The following MMACHC variants were observed in gnomAD, a reference collection of about 807,000 sequenced individuals.
MMACHC encodes metabolism of cobalamin associated C.
MMACHC carries 14 observed loss-of-function variants against 17.6 expected under a neutral mutation model. The observed-to-expected ratio is 0.80, with a 90% confidence interval of 0.53 to 1.25. The LOEUF (loss-of-function observed/expected upper bound fraction) is 1.25. Among genes scored for constraint, MMACHC ranks in the 50% most tolerant of loss-of-function variants. MMACHC has a pLI of 0.00. For missense variants in MMACHC, 392 were observed against 364.5 expected, an observed-to-expected ratio of 1.08 and a Z score of -0.62; for synonymous variants, 151 against 142.1, an observed-to-expected ratio of 1.06 and a Z score of -0.45.
At chr1:45,500,621 T>C (rs1480807220) in intron 1 of MMACHC, among the ~76,000 whole-genome samples, 1 of 152,006 alleles carries the variant, frequency 6.6e-6, no homozygotes, top group East Asian at 1.9e-4. Context: ...TCCCAGCACT[T>C]TGGGAGGCCG....
chr1:45,508,408 G>C (rs767673924), intron 3 of MMACHC, 44 bp downstream of exon 3: 9 of 1,606,690 alleles, frequency 5.6e-6, no homozygotes, highest in Non-Finnish European at 4.3e-6. Flanking sequence ...GACTGGTAAA[G>C]GCCTCTCCCT....
Position 45,508,263 on chromosome 1 carries a change from A to C in MMACHC, c.328A>C (p.Asn110His), listed in dbSNP as rs537151830. Residue 110 changes from asparagine (N) to histidine (H), a missense_variant, in exon 3 of 4, where the codon AAC becomes CAC. Asn to His is a moderately conservative substitution (Grantham distance 68). Coordinates refer to ENST00000401061, the MANE Select transcript of MMACHC (RefSeq NM_015506.3). ...CATTGCTGACTACGAGGTGCACCCC[A>C]ACCGACGCCCCAAGATCCTGGCCCA... ...EIIADYEVHP[N>H]RRPKILAQTA... 1 of 1,614,096 alleles carries C rather than the reference A, an allele frequency of 6.2e-7. No homozygotes were observed. Among genetic ancestry groups the C allele is most frequent in the South Asian group, 1.1e-5 (1 of 91,080 alleles).
chr1:45,512,022 A>G lies in MMACHC; in HGVS notation c.*2807A>G, dbSNP rs1348568851. On this transcript the variant is annotated 3_prime_UTR_variant, in exon 4 of 4. Transcript: ENST00000401061. ...CTGACAATGCCTAAGAATGTGCCTCAGGCTAGCCTGAAGAAAATGAGGCAA... is the reference window on the plus strand; with the variant it reads ...CTGACAATGCCTAAGAATGTGCCTCGGGCTAGCCTGAAGAAAATGAGGCAA... The G allele has an allele frequency of 6.6e-6, 1 of 150,460 alleles. No homozygotes were observed. Among genetic ancestry groups the G allele is most frequent in the Non-Finnish European group, 1.5e-5 (1 of 67,856 alleles). 9.3% of individuals were successfully genotyped at this position (150,460 alleles called of 1,614,324 possible). A position where few individuals can be genotyped will look rare whatever the true frequency, so the allele number is the denominator to read the frequency against.
chr1:45,509,243 G>T lies in MMACHC; in HGVS notation c.*28G>T. 6.2e-7 allele frequency: 1 copy of T among 1,613,592 alleles called. No homozygotes were observed. The highest frequency in any genetic ancestry group is 8.5e-7 in the Non-Finnish European group (1 of 1,179,824). On this transcript the variant is annotated 3_prime_UTR_variant, in exon 4 of 4. Transcript: ENST00000401061. ...TTCTCCCATGTGGACCCTGATTTAT[G>T]GTGGTACTTGCTAGGACTTAATTGG... is the stretch of plus-strand genomic sequence containing the variant.
chr1:45,508,434 C>G, intron 3 of MMACHC, 70 bp downstream of exon 3: 1 of 1,547,570 alleles, frequency 6.5e-7, no homozygotes, highest in Non-Finnish European at 8.9e-7. Flanking sequence ...GTCCCACATT[C>G]CTCAGCCTTC....
At position 45,512,072 on chromosome 1, in the gene MMACHC, T is replaced by TC. The variant is rs1643760555; in HGVS notation, c.*2857_*2858insC. On this transcript the variant is annotated 3_prime_UTR_variant, in exon 4 of 4. Coordinates refer to ENST00000401061, the MANE Select transcript of MMACHC (RefSeq NM_015506.3). Reference sequence around the variant, plus strand: ...AGGGGACTAATCTCTTATTTTTCTTTTTTTTTTTTTTTTTTTTTTTTTTTG... The same window carrying TC: ...AGGGGACTAATCTCTTATTTTTCTTTCTTTTTTTTTTTTTTTTTTTTTTTTG... 4.2e-5 allele frequency: 1 copy of TC among 23,978 alleles called. No individual in the cohort carries two copies. Among genetic ancestry groups the TC allele is most frequent in the Non-Finnish European group, 8.0e-5 (1 of 12,428 alleles). The allele number at this position is 23,978 out of a possible 1,614,324, so 1.5% of individuals were successfully genotyped here.
rs763361288 is a variant in MMACHC at position 45,505,685 on chromosome 1, C to T, written c.82-1671C>T. Among the ~76,000 whole-genome samples the T allele has an allele frequency of 1.3e-4, 20 of 151,620 alleles. 1 individual carries two copies. The highest frequency in any genetic ancestry group is 2.7e-4 in the African/African-American group (11 of 41,416). ...TTGGGAGGCCAAGTCAGGTGGATCA[C>T]GAGGTCAGGAGATCGAGACCACCCT... On this transcript the variant is annotated intron_variant, in intron 1 of 3. Transcript: ENST00000401061.
rs376925841 is a variant in MMACHC, at chr1:45,508,538, A to G, written c.429+174A>G. Among the ~76,000 whole-genome samples the G allele has an allele frequency of 1.7e-4, 26 of 152,322 alleles. No homozygotes were observed. In the East Asian group the frequency reaches 3.9e-3, roughly 23 times the overall value. On this transcript the variant is annotated intron_variant, in intron 3 of 3. Coordinates refer to ENST00000401061, the MANE Select transcript of MMACHC (RefSeq NM_015506.3). The stretch of plus-strand genomic sequence containing the variant: ...GCGGTTGTCTAACTGGGTACTCGTG[A>G]GATCAGAAAACTTAGTCTGCAGAAC...
intron 1 of MMACHC, among the ~76,000 whole-genome samples, chr1:45,502,706 CTT>C (rs777142658): frequency 1.1e-4 from 15 of 139,522 alleles, no homozygotes; most frequent in African/African-American, 7.8e-5. Context: ...CTTTTCTTTT[CTT>C]TTTTTTTTTT....
chr1:45,507,345 TTC>T lies in MMACHC; in HGVS notation c.82-9_82-8del, dbSNP rs1385978492. On this transcript the variant is annotated splice_polypyrimidine_tract_variant and intron_variant, in intron 1 of 3. Coordinates refer to ENST00000401061, the MANE Select transcript of MMACHC (RefSeq NM_015506.3). ...GGCCCTCTCCAGCCTGGCCTGAACT[TTC>T]TGTTTCAGGTGGCATGGTACAATGA... The T allele has an allele frequency of 6.8e-6, 11 of 1,613,698 alleles. No homozygotes were observed. The highest frequency in any genetic ancestry group is 5.3e-5 in the African/African-American group (4 of 74,908).
intron 2 of MMACHC, 99 bp from the exon 3 acceptor site, chr1:45,508,113 G>A: frequency 7.0e-7 from 1 of 1,432,530 alleles, no homozygotes; most frequent in Non-Finnish European, 9.8e-7. Flanking sequence ...TCTGAGGACA[G>A]GACCATGTTC....
chr1:45,503,479 C>T (rs964723983), intron 1 of MMACHC, among the ~76,000 whole-genome samples: 12 of 140,006 alleles, frequency 8.6e-5, no homozygotes, highest in African/African-American at 2.7e-4. Context: ...TCTGTTGCCC[C>T]GGCTGGAGTG....
intron 2 of MMACHC, 112 bp from the exon 3 acceptor site, chr1:45,508,100 C>A: frequency 7.5e-7 from 1 of 1,333,696 alleles, no homozygotes; most frequent in Non-Finnish European, 1.1e-6. Flanking sequence ...TCATGTTTTC[C>A]CTTCTGAGGA....
intron 1 of MMACHC, among the ~76,000 whole-genome samples, chr1:45,503,679 G>A (rs955686607): frequency 2.0e-5 from 3 of 152,042 alleles, no homozygotes; most frequent in Admixed American, 6.5e-5. Flanking sequence ...GTTGAGCACC[G>A]ACACAGACTT....
intron 1 of MMACHC, among the ~76,000 whole-genome samples, chr1:45,504,811 A>G (rs569732629): frequency 6.6e-6 from 1 of 152,236 alleles, no homozygotes; most frequent in Admixed American, 6.5e-5. Context: ...TTCATCATTA[A>G]CTGATAAAAA....
In MMACHC at chr1:45,508,935, T is replaced by G. The variant is rs1173363224; in HGVS notation, c.569T>G (p.Ile190Ser). ...HDCVPTRADR[I>S]ALLEGFNFHW... is the part of the protein sequence containing the mutation. ...TGTGTACCTACAAGAGCTGACCGTA[T>G]CGCCCTACTCGAAGGCTTCAATTTC... Residue 190 changes from isoleucine to serine, a missense_variant, in exon 4 of 4, where the codon ATC (isoleucine) becomes AGC (serine). Coordinates refer to ENST00000401061, the MANE Select transcript of MMACHC (RefSeq NM_015506.3). The G allele has an allele frequency of 1.9e-6, 3 of 1,614,122 alleles. No individual in the cohort carries two copies. The East Asian group carries it at 6.7e-5, about 36-fold the overall frequency.
intron 1 of MMACHC, 141 bp from the exon 2 acceptor site, chr1:45,507,215 G>T: frequency 1.4e-6 from 1 of 708,994 alleles, no homozygotes. Flanking sequence ...TTATAAAAAT[G>T]CATCACATAG....
intron 2 of MMACHC, 112 bp downstream of exon 2, chr1:45,507,662 G>C: frequency 8.1e-7 from 1 of 1,229,002 alleles, no homozygotes. Context: ...AAGGTGAAAT[G>C]ATACCCTAAA....
At chr1:45,501,497 T>A (rs1296500860) in intron 1 of MMACHC, among the ~76,000 whole-genome samples, 1 of 151,960 alleles carries the variant, frequency 6.6e-6, no homozygotes, top group Non-Finnish European at 1.5e-5. Context: ...GAGCTATATA[T>A]GAAAAGATAG....
Sources: allele counts gnomAD v4.1 joint callset (sites outside exome capture counted in the v4.1 genomes callset), GRCh38; gene constraint gnomAD v4.1.1; transcripts MANE v1.5; gene names NCBI Gene and HGNC (gene_info 2026-07-23, HGNC 2026-07-21).